ENTREP3: variants seen among roughly 807,000 people sequenced by gnomAD.
The protein encoded by ENTREP3 is protein ENTREP3.
the ENTREP3 span, chr1:155,252,037 C>T: frequency 8.0e-6 from 5 of 627,354 alleles, no homozygotes; most frequent in South Asian, 8.1e-5. Context: ...GTTCTGGCCC[C>T]TCCCTCACCC....
the ENTREP3 span, chr1:155,247,655 G>A: frequency 1.1e-6 from 1 of 911,428 alleles, no homozygotes; most frequent in Non-Finnish European, 1.7e-6. Context: ...GGAGGGAAAG[G>A]GACACTTTGG....
the ENTREP3 span, chr1:155,254,305 A>G: frequency 6.6e-7 from 1 of 1,518,056 alleles, no homozygotes; most frequent in Non-Finnish European, 9.2e-7. This position sits in a 1 kb window ranked among gnomAD's most constrained non-coding sequence, Gnocchi z 4.4. Context: ...GCTGGCACCA[A>G]CTGGGGAGCC....
At chr1:155,251,347 C>T in the ENTREP3 span, among the ~76,000 whole-genome samples, 1 of 152,194 alleles carries the variant, frequency 6.6e-6, no homozygotes, top group African/African-American at 2.4e-5. Context: ...CTCACCTCAC[C>T]AGGCTCTAGG....
At chr1:155,248,188 C>G in the ENTREP3 span, 1 of 1,610,686 alleles carries the variant, frequency 6.2e-7, no homozygotes, top group Admixed American at 1.7e-5. Flanking sequence ...GGCCCGAGGG[C>G]AGGGGAACTT....
the ENTREP3 span, chr1:155,251,619 G>A: frequency 6.2e-7 from 1 of 1,611,138 alleles, no homozygotes; most frequent in East Asian, 2.2e-5. Flanking sequence ...ATGAGGAAGA[G>A]GGTCAATGTA....
chr1:155,247,829 G>C, the ENTREP3 span: 1 of 1,482,176 alleles, frequency 6.7e-7, no homozygotes. Context: ...AGGCTGTGGG[G>C]GCGGGTACCA....
chr1:155,251,626 T>C, the ENTREP3 span: 6 of 1,609,646 alleles, frequency 3.7e-6, no homozygotes, highest in South Asian at 4.4e-5. Context: ...AGAGGGTCAA[T>C]GTAGGAGAAA....
the ENTREP3 span, chr1:155,254,620 CT>C: frequency 6.3e-7 from 1 of 1,592,970 alleles, no homozygotes; most frequent in Non-Finnish European, 8.6e-7. This position sits in a 1 kb window ranked among gnomAD's most constrained non-coding sequence, Gnocchi z 4.4. Context: ...CCCGAGGAGC[CT>C]CCCCCACCCA....
the ENTREP3 span, chr1:155,253,261 T>C: frequency 5.0e-6 from 1 of 198,584 alleles, no homozygotes; most frequent in Non-Finnish European, 1.0e-5. Context: ...GCCAGGTGGG[T>C]CTTGAACTCC....
chr1:155,254,266 C>G, the ENTREP3 span: 370 of 1,490,728 alleles, frequency 2.5e-4, 1 homozygote, highest in African/African-American at 4.4e-3. This position sits in a 1 kb window ranked among gnomAD's most constrained non-coding sequence, Gnocchi z 4.4. Flanking sequence ...CAGAGTCCCC[C>G]TCCTTCACAG....
At chr1:155,255,011 G>C in the ENTREP3 span, 1 of 700,668 alleles carries the variant, frequency 1.4e-6, no homozygotes, top group Non-Finnish European at 2.4e-6. The surrounding 1 kb of genome is among the most constrained non-coding windows in gnomAD (Gnocchi z 5.6). Context: ...TGGGTCCCCT[G>C]GGGCATGGCC....
chr1:155,251,894 C>T, the ENTREP3 span: 25 of 1,441,106 alleles, frequency 1.7e-5, no homozygotes, highest in Non-Finnish European at 2.2e-5. Flanking sequence ...AGACTGACCG[C>T]TCAGGGGCCA....
the ENTREP3 span, chr1:155,248,431 G>A: frequency 6.2e-7 from 1 of 1,614,050 alleles, no homozygotes; most frequent in Non-Finnish European, 8.5e-7. Context: ...AACAGAAGCA[G>A]CTTCTTCCTC....
chr1:155,250,956 C>A, the ENTREP3 span: 1 of 1,241,782 alleles, frequency 8.1e-7, no homozygotes, highest in Non-Finnish European at 1.1e-6. This position sits in a 1 kb window ranked among gnomAD's most constrained non-coding sequence, Gnocchi z 5.4. Context: ...AAAAATAAGT[C>A]CAGGGTTCCA....
At chr1:155,250,587 C>T in the ENTREP3 span, 4 of 1,604,380 alleles carry the variant, frequency 2.5e-6, no homozygotes, top group Admixed American at 1.7e-5. This position sits in a 1 kb window ranked among gnomAD's most constrained non-coding sequence, Gnocchi z 5.4. Context: ...GGAATAGGAG[C>T]GGGCAGCCCG....
chr1:155,248,785 G>C, the ENTREP3 span, among the ~76,000 whole-genome samples: 1 of 151,822 alleles, frequency 6.6e-6, no homozygotes, highest in Non-Finnish European at 1.5e-5. Flanking sequence ...TACGATCTCA[G>C]CTCACTGCAA....
At chr1:155,248,010 C>A in the ENTREP3 span, 1 of 1,613,652 alleles carries the variant, frequency 6.2e-7, no homozygotes. Flanking sequence ...TGAAGCTCCA[C>A]GCTTTCCCAA....
chr1:155,247,940 A>C, the ENTREP3 span: 1 of 1,601,448 alleles, frequency 6.2e-7, no homozygotes, highest in Non-Finnish European at 8.5e-7. Flanking sequence ...GGCCGGCCCC[A>C]CAGGCTCCGG....
chr1:155,250,914 G>T, the ENTREP3 span: 1 of 1,343,830 alleles, frequency 7.4e-7, no homozygotes, highest in Non-Finnish European at 1.0e-6. This position sits in a 1 kb window ranked among gnomAD's most constrained non-coding sequence, Gnocchi z 5.4. Context: ...GCCTCTAGGG[G>T]CCACTGTGCC....
Sources: gnomAD v4.1 joint callset for allele counts (sites outside exome capture counted in the v4.1 genomes callset) on GRCh38, gnomAD v4.1.1 for gene constraint, Gnocchi (gnomAD v3.1) non-coding constraint, MANE v1.5 for transcripts, NCBI Gene and HGNC (gene_info 2026-07-23, HGNC 2026-07-21) for gene names.